PHIP: variants seen among roughly 807,000 people sequenced by gnomAD.
The protein encoded by PHIP is PH-interacting protein.
PHIP carries 54 observed loss-of-function variants against 236.8 expected under a neutral mutation model. That is an observed-to-expected ratio of 0.23 (90% CI 0.18 to 0.29). The LOEUF is 0.29. Ranked by LOEUF, PHIP falls within the 10% of genes least tolerant of loss-of-function variation. PHIP has a pLI of 1.00. For missense variants in PHIP, 1,370 were observed against 2,190.8 expected, an observed-to-expected ratio of 0.63 and a Z score of 7.48; for synonymous variants, 756 against 718.9, an observed-to-expected ratio of 1.05 and a Z score of -0.83.
At chr6:78,959,805 CAACT>C (rs1444762930) in intron 31 of PHIP, among the ~76,000 whole-genome samples, 1 of 152,122 alleles carries the variant, frequency 6.6e-6, no homozygotes, top group Non-Finnish European at 1.5e-5. Context: ...AGATGTTCCT[CAACT>C]AACGATGGTG....
At chr6:79,017,243 G>T in intron 12 of PHIP, 103 bp downstream of exon 12, 1 of 653,860 alleles carries the variant, frequency 1.5e-6, no homozygotes, top group Non-Finnish European at 2.6e-6. Flanking sequence ...AGATCTTTTA[G>T]GTAGGTGATT....
In PHIP at chr6:78,955,593, A is replaced by C; in HGVS notation, c.3852+20T>G. ...ATATAGAGAATATCAATATGGTAATAATAATGAAATATTACATACCTCAGA... is the reference window on the plus strand; with the variant it reads ...ATATAGAGAATATCAATATGGTAATCATAATGAAATATTACATACCTCAGA... On this transcript the variant is annotated intron_variant, in intron 33 of 39. Transcript: ENST00000275034. 1 of 777,472 alleles carries C rather than the reference A, an allele frequency of 1.3e-6. No individual in the cohort carries two copies. The highest frequency in any genetic ancestry group is 2.2e-5 in the Admixed American group (1 of 44,970). 48.2% of individuals were successfully genotyped at this position (777,472 alleles called of 1,614,324 possible). A position where few individuals can be genotyped will look rare whatever the true frequency, so the allele number is the denominator to read the frequency against.
intron 6 of PHIP, among the ~76,000 whole-genome samples, chr6:79,059,120 T>C (rs573079032): frequency 6.6e-6 from 1 of 152,204 alleles, no homozygotes; most frequent in East Asian, 1.9e-4. Context: ...ATACGTTATC[T>C]CTGAAAAGTA....
chr6:79,065,502 C>T (rs1221950914), intron 4 of PHIP, among the ~76,000 whole-genome samples: 2 of 152,120 alleles, frequency 1.3e-5, no homozygotes, highest in Non-Finnish European at 2.9e-5. Context: ...ATATAGCATA[C>T]ACTCTGCATT....
intron 31 of PHIP, among the ~76,000 whole-genome samples, chr6:78,961,235 T>C (rs909797988): frequency 6.6e-6 from 1 of 152,036 alleles, no homozygotes. Context: ...TTCAGTGTTA[T>C]AAGTAATGAT....
intron 23 of PHIP, among the ~76,000 whole-genome samples, chr6:78,980,399 A>C (rs1463592148): frequency 6.6e-6 from 1 of 152,068 alleles, no homozygotes; most frequent in Non-Finnish European, 1.5e-5. Context: ...GGTGAAAAAC[A>C]GTAAAGTGCT....
intron 37 of PHIP, 136 bp from the exon 38 acceptor site, chr6:78,946,396 T>C (rs1773820075): frequency 2.2e-6 from 3 of 1,394,584 alleles, no homozygotes; most frequent in East Asian, 2.5e-5. Flanking sequence ...GGATTTCATA[T>C]GATTGTGAGC....
chr6:79,054,113 T>C (rs1360988894), intron 6 of PHIP, among the ~76,000 whole-genome samples: 1 of 131,246 alleles, frequency 7.6e-6, no homozygotes, highest in Non-Finnish European at 1.7e-5. Context: ...ATTATTTCCC[T>C]AAAAAAAAAA....
chr6:79,001,980 A>T lies in PHIP; in HGVS notation c.1798T>A (p.Ser600Thr). ...CCAGGAACTAATCTTTGATATCTTG[A>T]TGGATGAGGGTTACCATCAACATCA... is the stretch of plus-strand genomic sequence containing the variant. ...LVDVDGNPHP[S>T]RYQRLVPGRE... Residue 600 changes from serine (S) to threonine (T), a missense_variant, in exon 17 of 40, where the codon TCA becomes ACA. Ser to Thr is a moderately conservative substitution (Grantham distance 58, BLOSUM62 1). This residue lies in a region of PHIP where 133 missense variants were observed against 245.2 expected (regional missense o/e 0.54). Transcript: ENST00000275034. The T allele has an allele frequency of 7.4e-6, 12 of 1,613,332 alleles. No homozygotes were observed. The highest frequency in any genetic ancestry group is 1.0e-5 in the Non-Finnish European group (12 of 1,179,490).
Position 79,016,450 on chromosome 6 carries a change from ATATAT to A in PHIP, c.1235+89_1235+93del, listed in dbSNP as rs1770837119. On this transcript the variant is annotated intron_variant, in intron 13 of 39. Coordinates refer to ENST00000275034, the MANE Select transcript of PHIP (RefSeq NM_017934.7). ...GCAGAAAAGTAGTAATTTTAACATG[ATATAT>A]AATTTTATAGGCTGAGAGTCACCAA... The A allele has an allele frequency of 5.1e-6, 3 of 589,486 alleles. No homozygotes were observed. In the South Asian group the frequency reaches 1.0e-4, roughly 20 times the overall value. 36.5% of individuals were successfully genotyped at this position (589,486 alleles called of 1,614,324 possible). A position where few individuals can be genotyped will look rare whatever the true frequency, so the allele number is the denominator to read the frequency against.
intron 15 of PHIP, among the ~76,000 whole-genome samples, chr6:79,009,290 T>G (rs1016746143): frequency 6.6e-6 from 1 of 152,130 alleles, no homozygotes; most frequent in Non-Finnish European, 1.5e-5. Context: ...TAAATTTCTA[T>G]GAACATGTCT....
intron 35 of PHIP, among the ~76,000 whole-genome samples, chr6:78,953,575 G>C (rs1294154180): frequency 6.6e-6 from 1 of 152,074 alleles, no homozygotes; most frequent in Non-Finnish European, 1.5e-5. Context: ...TGAAAGGTGA[G>C]GTTCTAATTA....
chr6:78,972,804 G>T (rs547665452), intron 24 of PHIP, among the ~76,000 whole-genome samples: 1 of 152,252 alleles, frequency 6.6e-6, no homozygotes, highest in Admixed American at 6.5e-5. Flanking sequence ...TGAATGAAAT[G>T]AAGCGAGAAG....
rs1162990049 is a variant in PHIP, at chr6:79,008,965, A to G, written c.1525-5107T>C. Reference sequence around the variant, plus strand: ...GTCATCCTATAGCCCAAATCCTAATATAGTCACAAAACACCAAGTCATTTA... The same window carrying G: ...GTCATCCTATAGCCCAAATCCTAATGTAGTCACAAAACACCAAGTCATTTA... On this transcript the variant is annotated intron_variant, in intron 15 of 39. Transcript: ENST00000275034. 2.0e-5 allele frequency among the ~76,000 whole-genome samples: 3 copies of G among 152,244 alleles called. No individual in the cohort carries two copies. The East Asian group carries it at 5.8e-4, about 29-fold the overall frequency.
intron 35 of PHIP, among the ~76,000 whole-genome samples, chr6:78,952,417 CAAAAAAAAAAGAAAAAAAAAAAAGA>C (rs1766098086): frequency 1.7e-5 from 1 of 59,886 alleles, no homozygotes. Context: ...GACTCTGTCC[CAAAAAAAAAAGAAAAAAAAAAAAGA>C]AAAAAAAAAA....
intron 4 of PHIP, chr6:79,067,552 T>C (rs1184068832): frequency 6.6e-6 from 1 of 152,220 alleles, no homozygotes; most frequent in East Asian, 1.9e-4. Flanking sequence ...AATAATATAC[T>C]ATCTCCATTG....
intron 19 of PHIP, 41 bp downstream of exon 19, chr6:78,997,373 C>G (rs1769688400): frequency 6.4e-7 from 1 of 1,564,992 alleles, no homozygotes; most frequent in Non-Finnish European, 8.8e-7. Flanking sequence ...CAAAATGAAC[C>G]CAAGGAACTA....
At chr6:79,009,368 C>T (rs1404293120) in intron 15 of PHIP, among the ~76,000 whole-genome samples, 3 of 151,992 alleles carry the variant, frequency 2.0e-5, no homozygotes, top group African/African-American at 7.2e-5. Context: ...TGACTCGATT[C>T]CTATTTATCT....
In PHIP at chr6:78,940,344, G is replaced by GAT. The variant is rs1773425726; in HGVS notation, c.*348_*349insAT. 1 of 151,678 alleles carries GAT rather than the reference G, an allele frequency of 6.6e-6. No individual in the cohort carries two copies. The highest frequency in any genetic ancestry group is 2.1e-4 in the South Asian group (1 of 4,818). 9.4% of individuals were successfully genotyped at this position (151,678 alleles called of 1,614,324 possible). On this transcript the variant is annotated 3_prime_UTR_variant, in exon 40 of 40. Transcript: ENST00000275034. Reference sequence around the variant, plus strand: ...TCACTAGGAATATTATGCTCCTAAAGAGTGTAGCAGAATTGTCTTTTCTAT... The same window carrying GAT: ...TCACTAGGAATATTATGCTCCTAAAGATAGTGTAGCAGAATTGTCTTTTCTAT...
Sources: gnomAD v4.1 joint callset for allele counts (sites outside exome capture counted in the v4.1 genomes callset) on GRCh38, gnomAD v4.1.1 for gene constraint, gnomAD v4.1.1 regional missense constraint, MANE v1.5 for transcripts, NCBI Gene and HGNC (gene_info 2026-07-23, HGNC 2026-07-21) for gene names.